Variants in EXOC4 observed in about 807,000 individuals in gnomAD.
The protein encoded by EXOC4 is SEC8-like 1.
In EXOC4, 71 loss-of-function variants were observed where a neutral mutation model predicts 107.2. The ratio of observed to expected loss-of-function variants is 0.66; its 90% confidence interval spans 0.55 to 0.81. The LOEUF (loss-of-function observed/expected upper bound fraction) is 0.81, where lower values mean the gene tolerates loss of function less well. EXOC4 is among the 30% of genes least tolerant of loss of function. The pLI is 0.00. For missense variants in EXOC4, 1,108 were observed against 1,189.6 expected, an observed-to-expected ratio of 0.93 and a Z score of 1.01; for synonymous variants, 456 against 441.2, an observed-to-expected ratio of 1.03 and a Z score of -0.42.
At chr7:133,997,901 CAGTT>C (rs951666759) in intron 15 of EXOC4, among the ~76,000 whole-genome samples, 6 of 152,096 alleles carry the variant, frequency 3.9e-5, no homozygotes, top group African/African-American at 1.4e-4. Context: ...GATCTTAGGT[CAGTT>C]AATTAACTTT....
chr7:133,590,313 A>G (rs761689588), intron 9 of EXOC4, among the ~76,000 whole-genome samples: 1 of 152,150 alleles, frequency 6.6e-6, no homozygotes, highest in African/African-American at 2.4e-5. Context: ...TTTTAGAGGT[A>G]GGGTCTCACC....
At chr7:133,291,383 A>ATT (rs372299756) in intron 3 of EXOC4, among the ~76,000 whole-genome samples, 77 of 132,496 alleles carry the variant, frequency 5.8e-4, no homozygotes, top group Admixed American at 1.7e-3. Flanking sequence ...TTGTTATGTG[A>ATT]TTTTTTTTTT....
chr7:133,650,937 G>GTTTTTTTTTTTTTTTT lies in EXOC4; in HGVS notation c.1514+20806_1514+20821dup, dbSNP rs200499348. ...TCTTAGTACATACTGAGATTGGTCA[G>GTTTTTTTTTTTTTTTT]TTTTTTTTTTTTTTTTTTTTTTTTT... is the stretch of plus-strand genomic sequence containing the variant. On this transcript the variant is annotated intron_variant, in intron 10 of 17. Coordinates refer to ENST00000253861, the MANE Select transcript of EXOC4 (RefSeq NM_021807.4). Among the ~76,000 whole-genome samples the GTTTTTTTTTTTTTTTT allele has an allele frequency of 3.4e-4, 30 of 88,706 alleles. 1 individual carries two copies. The highest frequency in any genetic ancestry group is 4.2e-4 in the Non-Finnish European group (19 of 44,788). 58.2% of individuals were successfully genotyped at this position (88,706 alleles called of 152,430 possible).
intron 10 of EXOC4, among the ~76,000 whole-genome samples, chr7:133,784,572 A>G (rs1485962599): frequency 1.3e-5 from 2 of 152,198 alleles, no homozygotes; most frequent in African/African-American, 2.4e-5. Context: ...AGTCATAATG[A>G]TGCTTTCAGA....
At chr7:133,921,193 G>A (rs1664035658) in intron 13 of EXOC4, among the ~76,000 whole-genome samples, 1 of 152,208 alleles carries the variant, frequency 6.6e-6, no homozygotes, top group Admixed American at 6.5e-5. Flanking sequence ...AGAACCAGGA[G>A]CTTCAGTGTC....
intron 10 of EXOC4, among the ~76,000 whole-genome samples, chr7:133,755,442 CA>C (rs1270204959): frequency 1.4e-5 from 2 of 146,880 alleles, no homozygotes; most frequent in African/African-American, 5.1e-5. Context: ...CTCCTGGGTT[CA>C]AGCGATTCTC....
intron 10 of EXOC4, among the ~76,000 whole-genome samples, chr7:133,713,692 C>G (rs182093400): frequency 2.6e-5 from 4 of 151,998 alleles, no homozygotes; most frequent in Non-Finnish European, 5.9e-5. Context: ...ATGCTGTTCT[C>G]GTGATAGTGA....
intron 17 of EXOC4, among the ~76,000 whole-genome samples, chr7:134,043,687 G>A (rs1197997723): frequency 1.3e-5 from 2 of 152,182 alleles, no homozygotes; most frequent in Non-Finnish European, 2.9e-5. Flanking sequence ...TTTCTTGGGT[G>A]TAAACTATTA....
At chr7:133,688,486 G>A (rs188931204) in intron 10 of EXOC4, among the ~76,000 whole-genome samples, 87 of 152,086 alleles carry the variant, frequency 5.7e-4, no homozygotes, top group African/African-American at 2.0e-3. Context: ...TTTTTCTTTT[G>A]GGACTGATAA....
downstream of EXOC4, among the ~76,000 whole-genome samples, chr7:134,068,703 G>A (rs933237795): frequency 6.6e-6 from 1 of 152,020 alleles, no homozygotes; most frequent in Non-Finnish European, 1.5e-5. Flanking sequence ...ATTCCAAGAA[G>A]CCCCACCCTC....
intron 9 of EXOC4, among the ~76,000 whole-genome samples, chr7:133,544,630 A>T (rs1354583250): frequency 6.6e-6 from 1 of 151,890 alleles, no homozygotes; most frequent in Non-Finnish European, 1.5e-5. Context: ...TCATACTGTC[A>T]TTTTTTTCTT....
At chr7:133,274,294 C>T (rs1278003802) in intron 1 of EXOC4, among the ~76,000 whole-genome samples, 5 of 152,154 alleles carry the variant, frequency 3.3e-5, no homozygotes, top group East Asian at 1.9e-4. Flanking sequence ...ATGAGCTTTT[C>T]GGAAGGTGGT....
chr7:133,291,912 C>G (rs1197279462), intron 3 of EXOC4, among the ~76,000 whole-genome samples: 3 of 150,720 alleles, frequency 2.0e-5, no homozygotes, highest in Admixed American at 6.6e-5. Flanking sequence ...ATCACATATG[C>G]ATGGATCTGT....
chr7:133,277,525 G>A (rs1027551045), intron 2 of EXOC4, among the ~76,000 whole-genome samples: 5 of 152,180 alleles, frequency 3.3e-5, no homozygotes, highest in African/African-American at 1.2e-4. Flanking sequence ...TTGAAAAAGA[G>A]CCTTGTCTTG....
At chr7:133,620,347 T>C (rs560356262) in intron 9 of EXOC4, among the ~76,000 whole-genome samples, 1 of 152,076 alleles carries the variant, frequency 6.6e-6, no homozygotes, top group East Asian at 1.9e-4. Flanking sequence ...AACCAACTAG[T>C]TACTTAAAAA....
intron 17 of EXOC4, among the ~76,000 whole-genome samples, chr7:134,045,483 A>G (rs1795627673): frequency 6.6e-6 from 1 of 152,240 alleles, no homozygotes; most frequent in Non-Finnish European, 1.5e-5. Context: ...ACAGGAGAAC[A>G]TGGAACTGCA....
At chr7:133,707,466 T>C (rs1351384091) in intron 10 of EXOC4, among the ~76,000 whole-genome samples, 1 of 151,896 alleles carries the variant, frequency 6.6e-6, no homozygotes, top group African/African-American at 2.4e-5. Context: ...CTCAAAAAAG[T>C]CATTGTTAAA....
intron 10 of EXOC4, among the ~76,000 whole-genome samples, chr7:133,672,348 A>G (rs935558678): frequency 8.6e-5 from 13 of 150,650 alleles, no homozygotes; most frequent in African/African-American, 2.9e-4. Context: ...CCGAGATCGC[A>G]CCACTGCACT....
intron 10 of EXOC4, among the ~76,000 whole-genome samples, chr7:133,798,826 C>G (rs904581906): frequency 6.6e-6 from 1 of 152,136 alleles, no homozygotes; most frequent in Non-Finnish European, 1.5e-5. Flanking sequence ...CACAATCCCT[C>G]TACTCAGAGA....
Sources: allele counts gnomAD v4.1 joint callset (sites outside exome capture counted in the v4.1 genomes callset), GRCh38; gene constraint gnomAD v4.1.1; transcripts MANE v1.5; gene names NCBI Gene and HGNC (gene_info 2026-07-23, HGNC 2026-07-21).